Variants in TTLL5 observed in about 807,000 individuals in gnomAD.
TTLL5 encodes the protein tubulin tyrosine ligase like 5.
A neutral mutation model predicts 168.4 loss-of-function variants in TTLL5; 132 were observed. The observed-to-expected ratio is 0.78, with a 90% CI of 0.68 to 0.91. TTLL5 has a LOEUF of 0.91. Among genes scored for constraint, TTLL5 ranks in the 40% least tolerant of loss-of-function variants. TTLL5 has a pLI of 0.00. For synonymous variants in TTLL5, 546 were observed against 558.6 expected, an observed-to-expected ratio of 0.98 and a Z score of 0.32; for missense variants, 1,545 against 1,581.5, an observed-to-expected ratio of 0.98 and a Z score of 0.39.
chr14:75,754,417 G>T (rs1890124795), intron 18 of TTLL5, among the ~76,000 whole-genome samples: 1 of 152,126 alleles, frequency 6.6e-6, no homozygotes, highest in Non-Finnish European at 1.5e-5. Context: ...TAGAAGTAAT[G>T]AACTGTTTGC....
At chr14:75,680,305 T>C (rs1404329201) in intron 3 of TTLL5, among the ~76,000 whole-genome samples, 1 of 152,216 alleles carries the variant, frequency 6.6e-6, no homozygotes, top group Non-Finnish European at 1.5e-5. Context: ...GATCCTGAGC[T>C]GAACTGAAGA....
chr14:75,696,943 G>T (rs1192268588), intron 6 of TTLL5, among the ~76,000 whole-genome samples: 1 of 152,054 alleles, frequency 6.6e-6, no homozygotes, highest in East Asian at 1.9e-4. Flanking sequence ...CCATTGTGTA[G>T]ATTAGATGTC....
At chr14:75,767,541 G>A (rs981075851) in intron 20 of TTLL5, among the ~76,000 whole-genome samples, 1 of 152,206 alleles carries the variant, frequency 6.6e-6, no homozygotes, top group Non-Finnish European at 1.5e-5. Flanking sequence ...AAGTACAAAA[G>A]CCCAGACATC....
chr14:75,950,282 A>G (rs2034920842), intron 31 of TTLL5, among the ~76,000 whole-genome samples: 1 of 152,240 alleles, frequency 6.6e-6, no homozygotes, highest in African/African-American at 2.4e-5. Flanking sequence ...TTAGAGACTT[A>G]AATATGAAAA....
Position 75,703,772 on chromosome 14 carries a change from T to G in TTLL5, c.586-3246T>G, listed in dbSNP as rs973145190. 2.0e-5 allele frequency among the ~76,000 whole-genome samples: 3 copies of G among 152,328 alleles called. No individual in the cohort carries two copies. The South Asian group carries it at 6.2e-4, about 32-fold the overall frequency. On this transcript the variant is annotated intron_variant, in intron 7 of 31. Coordinates refer to ENST00000298832, the MANE Select transcript of TTLL5 (RefSeq NM_015072.5). ...CTGTACTCTCTTGTTTCTGTTTGTT[T>G]ATGTGTTTTTATCTTAGGTTCCCTT... is the stretch of plus-strand genomic sequence containing the variant.
intron 18 of TTLL5, among the ~76,000 whole-genome samples, chr14:75,756,380 C>T (rs1890262711): frequency 2.0e-5 from 3 of 152,064 alleles, no homozygotes; most frequent in Admixed American, 6.5e-5. Flanking sequence ...AAAAGGGCAA[C>T]ATAGGGGATC....
At chr14:75,722,137 G>A (rs144746993) in intron 12 of TTLL5, among the ~76,000 whole-genome samples, 129 of 152,170 alleles carry the variant, frequency 8.5e-4, no homozygotes, top group Middle Eastern at 6.8e-3. Flanking sequence ...GTGCTTTTGT[G>A]CCACTGTATG....
Position 75,716,051 on chromosome 14 carries a change from G to T in TTLL5, c.741-1810G>T, listed in dbSNP as rs10132656. On this transcript the variant is annotated intron_variant, in intron 9 of 31. Coordinates refer to ENST00000298832, the MANE Select transcript of TTLL5 (RefSeq NM_015072.5). ...ATGACAGGAGGGATGTCACCTTGAG[G>T]TAATGTCTGGCTGAGGCAGGCAGCC... Among the ~76,000 whole-genome samples, 959 of 152,240 alleles carry T rather than the reference G, an allele frequency of 6.3e-3. 10 individuals carry two copies. The highest frequency in any genetic ancestry group is 0.022 in the African/African-American group (925 of 41,546).
At chr14:75,758,985 A>T (rs1566591110) in intron 18 of TTLL5, among the ~76,000 whole-genome samples, 1 of 152,184 alleles carries the variant, frequency 6.6e-6, no homozygotes, top group Non-Finnish European at 1.5e-5. Context: ...AAAGTAGAGT[A>T]ACTCCAAAGT....
chr14:75,757,060 C>T (rs532549165), intron 18 of TTLL5, among the ~76,000 whole-genome samples: 1 of 151,992 alleles, frequency 6.6e-6, no homozygotes, highest in Admixed American at 6.5e-5. Context: ...TCACTGCAAC[C>T]TCCGCCTCCC....
chr14:75,699,198 G>A lies in TTLL5; in HGVS notation c.513G>A (p.Ser171=), dbSNP rs375994206. The A allele has an allele frequency of 1.1e-4, 182 of 1,613,374 alleles. No homozygotes were observed. The highest frequency in any genetic ancestry group is 1.4e-4 in the Non-Finnish European group (168 of 1,179,712). Residue 171 remains serine (S), a synonymous_variant, in exon 7 of 32, where the codon TCG becomes TCA. Transcript: ENST00000298832. ...CAATATTTTGAGCAGATTCATATTC[G>A]AAGGACCGGGGACCTTGGATAGTAA... ...AEYAEFCNSY[S]KDRGPWIVKP... is the part of the protein sequence containing the mutation.
rs2140229986 is a variant in TTLL5 at position 75,954,636 on chromosome 14, A to G, written c.*190A>G. 1 of 619,380 alleles carries G rather than the reference A, an allele frequency of 1.6e-6. No homozygotes were observed. The highest frequency in any genetic ancestry group is 2.8e-6 in the Non-Finnish European group (1 of 351,864). The allele number at this position is 619,380 out of a possible 1,614,324, so 38.4% of individuals were successfully genotyped here. ...AATGCAGACTTTCACTGGGACAACA[A>G]GAAAGCAGATCTTCTGGGTTTTGAT... On this transcript the variant is annotated 3_prime_UTR_variant, in exon 32 of 32. Coordinates refer to ENST00000298832, the MANE Select transcript of TTLL5 (RefSeq NM_015072.5).
intron 31 of TTLL5, among the ~76,000 whole-genome samples, chr14:75,915,122 CCTAA>C (rs1167666154): frequency 4.6e-5 from 7 of 152,084 alleles, no homozygotes; most frequent in South Asian, 2.1e-4. Context: ...CTCTACATCA[CCTAA>C]CTAACTGGAA....
intron 28 of TTLL5, among the ~76,000 whole-genome samples, chr14:75,854,916 T>C (rs1460320309): frequency 6.6e-6 from 1 of 152,198 alleles, no homozygotes; most frequent in Non-Finnish European, 1.5e-5. Context: ...TTGTCACATA[T>C]ACATACCTAT....
At chr14:75,709,514 G>C (rs987697392) in intron 9 of TTLL5, 4 of 281,462 alleles carry the variant, frequency 1.4e-5, no homozygotes, top group African/African-American at 4.3e-5. Context: ...CCTCTTCCTT[G>C]AAAATTGAGA....
intron 26 of TTLL5, among the ~76,000 whole-genome samples, chr14:75,786,626 G>A (rs80238802): frequency 0.018 from 2,733 of 152,236 alleles, 83 homozygotes; most frequent in African/African-American, 0.06. Context: ...TGTGGTAATT[G>A]AGTGATTTTG....
chr14:75,871,688 G>T (rs530961038), intron 29 of TTLL5, among the ~76,000 whole-genome samples: 8 of 152,140 alleles, frequency 5.3e-5, no homozygotes, highest in African/African-American at 1.7e-4. Context: ...TTGTTTGTTT[G>T]TCTGTAGGTA....
intron 28 of TTLL5, among the ~76,000 whole-genome samples, chr14:75,842,707 G>A (rs569380216): frequency 6.6e-6 from 1 of 152,298 alleles, no homozygotes; most frequent in Admixed American, 6.5e-5. Context: ...AGTAGAAAAT[G>A]GGTGGGGGTT....
chr14:75,922,263 A>C (rs1171527977), intron 31 of TTLL5, among the ~76,000 whole-genome samples: 1 of 152,102 alleles, frequency 6.6e-6, no homozygotes, highest in Admixed American at 6.6e-5. Context: ...AACTTCCAAC[A>C]CTATGTTGAA....
Sources: gnomAD v4.1 joint callset for allele counts (sites outside exome capture counted in the v4.1 genomes callset) on GRCh38, gnomAD v4.1.1 for gene constraint, MANE v1.5 for transcripts, NCBI Gene and HGNC (gene_info 2026-07-23, HGNC 2026-07-21) for gene names.